Variants in IFI44L observed in about 807,000 individuals in gnomAD.
IFI44L encodes the protein interferon-induced protein 44-like.
IFI44L carries 40 observed loss-of-function variants against 39.3 expected under a neutral mutation model. That is an observed-to-expected ratio of 1.02 (90% CI 0.79 to 1.33). IFI44L has a LOEUF of 1.33. Ranked by LOEUF, IFI44L falls within the 40% of genes most tolerant of loss-of-function variation. IFI44L has a pLI of 0.00. For synonymous variants in IFI44L, 198 were observed against 182.3 expected, an observed-to-expected ratio of 1.09 and a Z score of -0.69; for missense variants, 623 against 549.0, an observed-to-expected ratio of 1.13 and a Z score of -1.35.
chr1:78,633,342 T>C (rs2100494487), intron 4 of IFI44L, among the ~76,000 whole-genome samples: 1 of 152,346 alleles, frequency 6.6e-6, no homozygotes, highest in South Asian at 2.1e-4. Flanking sequence ...AGCCCCATGC[T>C]GGTGCCAAGT....
intron 1 of IFI44L, among the ~76,000 whole-genome samples, chr1:78,625,071 CTT>C (rs1040485780): frequency 8.5e-5 from 12 of 141,762 alleles, no homozygotes; most frequent in Admixed American, 7.1e-5. Context: ...TCTTTCCTTC[CTT>C]TTTTTTTTTT....
intron 4 of IFI44L, among the ~76,000 whole-genome samples, chr1:78,632,109 A>G (rs907292332): frequency 2.6e-5 from 4 of 152,202 alleles, no homozygotes; most frequent in Non-Finnish European, 5.9e-5. Flanking sequence ...GCACTGGAGC[A>G]GCTGAGTTGT....
intron 7 of IFI44L, 30 bp from the exon 8 acceptor site, chr1:78,641,405 A>G (rs772041635): frequency 1.3e-6 from 2 of 1,590,986 alleles, no homozygotes; most frequent in South Asian, 1.1e-5. Context: ...TAAATACAGG[A>G]CTTACACTTT....
At chr1:78,627,292 A>G (rs1211647411) in intron 1 of IFI44L, 1 of 152,058 alleles carries the variant, frequency 6.6e-6, no homozygotes, top group Non-Finnish European at 1.5e-5. Context: ...AATTCTTGTA[A>G]TGACCAATAG....
At chr1:78,625,933 G>C (rs1006741574) in intron 1 of IFI44L, 11 of 151,718 alleles carry the variant, frequency 7.3e-5, no homozygotes, top group Admixed American at 1.3e-4. Context: ...GGATCTACTA[G>C]TTATCTTCTT....
intron 4 of IFI44L, among the ~76,000 whole-genome samples, chr1:78,632,077 T>C (rs1652769628): frequency 6.6e-6 from 1 of 152,144 alleles, no homozygotes; most frequent in African/African-American, 2.4e-5. Context: ...ATATTGAAAA[T>C]TGGCAGTTGT....
chr1:78,645,997 G>C lies in IFI44L; in HGVS notation c.*4188G>C, dbSNP rs953348199. ...CAAAATTGCAAAAATTGAGGGCACA[G>C]GGGTGGAGGTGGGGGGGTTGAATAA... On this transcript the variant is annotated 3_prime_UTR_variant, in exon 9 of 9. Coordinates refer to ENST00000370751, the MANE Select transcript of IFI44L (RefSeq NM_006820.4). 2 of 152,204 alleles carry C rather than the reference G, an allele frequency of 1.3e-5. No individual in the cohort carries two copies. The highest frequency in any genetic ancestry group is 4.8e-5 in the African/African-American group (2 of 41,440). The allele number at this position is 152,204 out of a possible 1,614,324, so 9.4% of individuals were successfully genotyped here.
rs191577327 is a variant in IFI44L at position 78,635,951 on chromosome 1, A to C, written c.876+462A>C. Reference sequence around the variant, plus strand: ...ACAGATGTTTACCCGTAAGTTGCACACTTCTCTCTCTCGGTCTTTTTTTTT... The same window carrying C: ...ACAGATGTTTACCCGTAAGTTGCACCCTTCTCTCTCTCGGTCTTTTTTTTT... On this transcript the variant is annotated intron_variant, in intron 5 of 8. Coordinates refer to ENST00000370751, the MANE Select transcript of IFI44L (RefSeq NM_006820.4). 76 of 158,886 alleles carry C rather than the reference A, an allele frequency of 4.8e-4. 1 individual carries two copies. The East Asian group carries it at 5.0e-3, about 11-fold the overall frequency. 9.8% of individuals were successfully genotyped at this position (158,886 alleles called of 1,614,324 possible).
chr1:78,627,656 C>T (rs1379229091), intron 1 of IFI44L: 2 of 255,370 alleles, frequency 7.8e-6, no homozygotes, highest in East Asian at 1.4e-4. Context: ...TTTATTTTTC[C>T]TTTATTCAAC....
chr1:78,625,135 T>C (rs1652438077), intron 1 of IFI44L, among the ~76,000 whole-genome samples: 2 of 151,886 alleles, frequency 1.3e-5, no homozygotes, highest in Non-Finnish European at 2.9e-5. Flanking sequence ...ATAAAAGAGA[T>C]TGGCCTGTAA....
chr1:78,629,687 C>G, intron 3 of IFI44L, 33 bp from the exon 4 acceptor site: 1 of 1,517,674 alleles, frequency 6.6e-7, no homozygotes, highest in African/African-American at 1.4e-5. Context: ...ATTGGCTGTT[C>G]TGATGCTGTA....
rs1652302929 is a variant in IFI44L at position 78,622,232 on chromosome 1, C to T, written c.-11+1661C>T. Among the ~76,000 whole-genome samples the T allele has an allele frequency of 2.0e-5, 3 of 152,246 alleles. No homozygotes were observed. The South Asian group carries it at 6.2e-4, about 32-fold the overall frequency. ...TTATTTCACTTAATATTCTCCAGTTCCGTCCATGTTGCTGCAAATGACATG... is the reference window on the plus strand; with the variant it reads ...TTATTTCACTTAATATTCTCCAGTTTCGTCCATGTTGCTGCAAATGACATG... On this transcript the variant is annotated intron_variant, in intron 1 of 8. Coordinates refer to ENST00000370751, the MANE Select transcript of IFI44L (RefSeq NM_006820.4).
In IFI44L at chr1:78,637,072, T is replaced by C; in HGVS notation, c.917T>C (p.Phe306Ser). ...CCAATTACACCTGAGCATTCTACTTTTATCACCTCTCCATCTCTGAAGGAC... is the reference window on the plus strand; with the variant it reads ...CCAATTACACCTGAGCATTCTACTTCTATCACCTCTCCATCTCTGAAGGAC... ...RKPITPEHST[F>S]ITSPSLKDRI... Residue 306 changes from phenylalanine (F) to serine (S), a missense_variant, in exon 6 of 9, where the codon TTT (phenylalanine) becomes TCT (serine). Phe to Ser is a radical substitution (Grantham distance 155). Coordinates refer to ENST00000370751, the MANE Select transcript of IFI44L (RefSeq NM_006820.4). 1 of 1,612,294 alleles carries C rather than the reference T, an allele frequency of 6.2e-7. No homozygotes were observed. The highest frequency in any genetic ancestry group is 8.5e-7 in the Non-Finnish European group (1 of 1,178,566).
intron 7 of IFI44L, 47 bp downstream of exon 7, chr1:78,641,168 A>AACAC: frequency 7.8e-7 from 1 of 1,281,848 alleles, no homozygotes; most frequent in Non-Finnish European, 1.1e-6. Context: ...TAGTATCACA[A>AACAC]TCATACGTGT....
intron 1 of IFI44L, chr1:78,626,787 A>G (rs1652506060): frequency 6.6e-6 from 1 of 151,932 alleles, no homozygotes; most frequent in Non-Finnish European, 1.5e-5. Context: ...CCATCACTCA[A>G]GTAGTGTACA....
chr1:78,641,551 G>A lies in IFI44L; in HGVS notation c.1266G>A (p.Leu422=). The A allele has an allele frequency of 6.2e-7, 1 of 1,613,744 alleles. No individual in the cohort carries two copies. The part of the protein sequence containing the change: ...PMKDILILSA[L]RQMLRAADDF... Reference sequence around the variant, plus strand: ...AGGATATTCTCATCCTCTCTGCACTGAGGCAGATGCTGCGGGCTGCAGATG... The same window carrying A: ...AGGATATTCTCATCCTCTCTGCACTAAGGCAGATGCTGCGGGCTGCAGATG... The change falls in exon 8 of 9, where the codon CTG becomes CTA. Residue 422 remains leucine (L), a synonymous_variant. Transcript: ENST00000370751.
At chr1:78,629,089 C>A in intron 3 of IFI44L, 90 bp downstream of exon 3, 7 of 832,542 alleles carry the variant, frequency 8.4e-6, no homozygotes, top group Non-Finnish European at 8.2e-6. Flanking sequence ...AGATAAAAAT[C>A]ATGCCACTGG....
intron 6 of IFI44L, among the ~76,000 whole-genome samples, chr1:78,640,536 C>T (rs1320376238): frequency 2.0e-5 from 3 of 152,096 alleles, no homozygotes; most frequent in Non-Finnish European, 2.9e-5. Context: ...CAGTTGTTAG[C>T]ATAGCAGAAT....
At position 78,629,772 on chromosome 1, in the gene IFI44L, T is replaced by G; in HGVS notation, c.580T>G (p.Leu194Val). The G allele has an allele frequency of 6.2e-7, 1 of 1,613,780 alleles. No individual in the cohort carries two copies. ...CAGAGACTATAGGCCCTATGCAGAC[T>G]TGGTTTCAGAAATTCGTATTCTTTT... ...DIRDYRPYADLVSEIRILLVG... is the reference protein window; with the variant it reads ...DIRDYRPYADVVSEIRILLVG... The change falls in exon 4 of 9, where the codon TTG (leucine) becomes GTG (valine). Residue 194 changes from leucine to valine, a missense_variant. By Grantham distance (32) the Leu-to-Val change is conservative. Transcript: ENST00000370751.
Sources: gnomAD v4.1 joint callset for allele counts (sites outside exome capture counted in the v4.1 genomes callset) on GRCh38, gnomAD v4.1.1 for gene constraint, MANE v1.5 for transcripts, NCBI Gene and HGNC (gene_info 2026-07-23, HGNC 2026-07-21) for gene names.